The following HEXA variants were observed in gnomAD, a reference collection of about 807,000 sequenced individuals.
HEXA encodes the protein hexosaminidase subunit alpha, also known as beta-hexosaminidase subunit alpha.
In HEXA, 54 loss-of-function variants were observed where a neutral mutation model predicts 73.3. The ratio of observed to expected loss-of-function variants is 0.74; its 90% confidence interval spans 0.59 to 0.92. The LOEUF is 0.92. Among genes scored for constraint, HEXA ranks in the 40% least tolerant of loss-of-function variants. The pLI is 0.00. For missense variants in HEXA, 649 were observed against 653.0 expected (o/e 0.99, Z 0.07); for synonymous variants, 230 against 246.9 (o/e 0.93, Z 0.64).
chr15:72,373,146 A>G (rs906117054), intron 1 of HEXA, among the ~76,000 whole-genome samples: 6 of 152,160 alleles, frequency 3.9e-5, no homozygotes, highest in African/African-American at 1.4e-4. Flanking sequence ...AACAAAAACA[A>G]ACAAACAAAC....
intron 1 of HEXA, among the ~76,000 whole-genome samples, chr15:72,362,805 T>C (rs1277934528): frequency 2.0e-5 from 3 of 152,090 alleles, no homozygotes; most frequent in African/African-American, 7.2e-5. Context: ...CAGTGCACAA[T>C]AGCCTTTCCC....
At chr15:72,352,660 T>C (rs1595801393) in intron 5 of HEXA, among the ~76,000 whole-genome samples, 2 of 108,420 alleles carry the variant, frequency 1.8e-5, no homozygotes, top group African/African-American at 5.3e-5. Flanking sequence ...TAGAATTACA[T>C]ACAATTTTTT....
intron 6 of HEXA, 92 bp downstream of exon 6, chr15:72,351,041 G>A (rs1349664039): frequency 2.3e-6 from 2 of 852,372 alleles, no homozygotes; most frequent in Non-Finnish European, 4.0e-6. Context: ...AAACTGGCTG[G>A]TTAGGATGAG....
Position 72,345,429 on chromosome 15 carries a change from C to A in HEXA, c.1526+17G>T. The A allele has an allele frequency of 6.2e-7, 1 of 1,614,066 alleles. No individual in the cohort carries two copies. ...TCTGGCCTGCTCCGCCTTGCGAAGG[C>A]CCCACAGCTTGCTTACCTCAGCAAT... On this transcript the variant is annotated intron_variant, in intron 13 of 13. Coordinates refer to ENST00000268097, the MANE Select transcript of HEXA (RefSeq NM_000520.6).
chr15:72,346,145 A>G, intron 12 of HEXA, 90 bp downstream of exon 12: 1 of 872,018 alleles, frequency 1.1e-6, no homozygotes, highest in Non-Finnish European at 1.9e-6. Flanking sequence ...GAAGGGTACT[A>G]GTCCAGAGGT....
At chr15:72,354,906 A>G (rs1471393275) in intron 3 of HEXA, 1 of 154,548 alleles carries the variant, frequency 6.5e-6, no homozygotes, top group East Asian at 1.9e-4. Flanking sequence ...TCCAGAAATA[A>G]TGTAGTTCTA....
At chr15:72,367,302 GC>G (rs2088930557) in intron 1 of HEXA, among the ~76,000 whole-genome samples, 1 of 151,988 alleles carries the variant, frequency 6.6e-6, no homozygotes, top group Non-Finnish European at 1.5e-5. Context: ...TTTGTTAATG[GC>G]AGCACGAGTG....
intron 1 of HEXA, among the ~76,000 whole-genome samples, chr15:72,363,594 T>C (rs958319458): frequency 6.6e-6 from 1 of 152,238 alleles, no homozygotes; most frequent in Admixed American, 6.5e-5. Flanking sequence ...GCTGCTGAAT[T>C]TAGTCTAGAT....
At chr15:72,368,150 G>C (rs567186911) in intron 1 of HEXA, among the ~76,000 whole-genome samples, 4 of 152,270 alleles carry the variant, frequency 2.6e-5, no homozygotes, top group African/African-American at 9.6e-5. Context: ...ACTGGAATCT[G>C]GTAACAATGG....
rs963788425 is a variant in HEXA at position 72,353,938 on chromosome 15, T to A, written c.413-201A>T. ...CCATCTTTACTTCTGTATTTCATTT[T>A]GGGAGATGTCAGAGTAAGGGTTTTA... On this transcript the variant is annotated intron_variant, in intron 3 of 13. Transcript: ENST00000268097. The A allele has an allele frequency of 2.8e-5, 18 of 633,082 alleles. No homozygotes were observed. The African/African-American group carries it at 3.3e-4, about 12-fold the overall frequency. The allele number at this position is 633,082 out of a possible 1,614,324, so 39.2% of individuals were successfully genotyped here.
chr15:72,364,058 C>T (rs1372827090), intron 1 of HEXA, among the ~76,000 whole-genome samples: 6 of 152,032 alleles, frequency 3.9e-5, no homozygotes, highest in African/African-American at 9.7e-5. Context: ...TCGAGCCCAG[C>T]GAACGACTTC....
chr15:72,346,304 A>G lies in HEXA; in HGVS notation c.1352T>C (p.Leu451Pro). 1.2e-6 allele frequency: 2 copies of G among 1,613,964 alleles called. No homozygotes were observed. The highest frequency in any genetic ancestry group is 8.5e-7 in the Non-Finnish European group (1 of 1,179,898). The change falls in exon 12 of 14, where the codon CTG (leucine) becomes CCG (proline). Residue 451 changes from leucine to proline, a missense_variant. Transcript: ENST00000268097. ...AFEGTPEQKA[L>P]VIGGEACMWG... ...CATACAAGCCTCTCCACCAATCACC[A>G]GAGCCTTCTGCTCAGGGGTACCTGA...
chr15:72,368,901 A>G (rs890827019), intron 1 of HEXA, among the ~76,000 whole-genome samples: 1 of 152,246 alleles, frequency 6.6e-6, no homozygotes, highest in African/African-American at 2.4e-5. Context: ...CTTTTCATGC[A>G]TAACAGTGTA....
At chr15:72,374,848 C>T (rs2089038857) in intron 1 of HEXA, among the ~76,000 whole-genome samples, 1 of 152,116 alleles carries the variant, frequency 6.6e-6, no homozygotes, top group Non-Finnish European at 1.5e-5. Flanking sequence ...TTTCCCCACC[C>T]TCATCCCTCC....
Position 72,356,553 on chromosome 15 carries a change from C to G in HEXA, c.318G>C (p.Gln106His), listed in dbSNP as rs772070778. ...TCTCCACTGACTCCAAAGTAGGAAG[C>G]TGGTTACATCCAGGTGTGACTACAG... ...VVSVVTPGCN[Q>H]LPTLESVENY... Residue 106 changes from glutamine to histidine, a missense_variant, in exon 2 of 14, where the codon CAG becomes CAC. Coordinates refer to ENST00000268097, the MANE Select transcript of HEXA (RefSeq NM_000520.6). 6.2e-7 allele frequency: 1 copy of G among 1,614,106 alleles called. No homozygotes were observed. The highest frequency in any genetic ancestry group is 2.2e-5 in the East Asian group (1 of 44,884).
rs1003814544 is a variant in HEXA at position 72,346,399 on chromosome 15, T to G, written c.1331-74A>C. 12 of 1,480,910 alleles carry G rather than the reference T, an allele frequency of 8.1e-6. No individual in the cohort carries two copies. In the East Asian group the frequency reaches 2.3e-4, roughly 28 times the overall value. The allele number at this position is 1,480,910 out of a possible 1,614,324, so 91.7% of individuals were successfully genotyped here. On this transcript the variant is annotated intron_variant, in intron 11 of 13. Transcript: ENST00000268097. ...GGGTCCCTCTCAACCACCTTCCCAA[T>G]GTGGCCCTCACCCCAGCTAAGTTGT...
In HEXA at chr15:72,345,495, G is replaced by A. The variant is rs774313739; in HGVS notation, c.1477C>T (p.Leu493=). Residue 493 remains leucine, a synonymous_variant, in exon 13 of 14, where the codon CTG becomes TTG. Coordinates refer to ENST00000268097, the MANE Select transcript of HEXA (RefSeq NM_000520.6). Reference sequence around the variant, plus strand: ...GACAAACGTTCATAGGCAAATGTCAGGTCAGATGTCAACTTGTTGCTCCAC... The same window carrying A: ...GACAAACGTTCATAGGCAAATGTCAAGTCAGATGTCAACTTGTTGCTCCAC... ...RLWSNKLTSD[L]TFAYERLSHF... is the part of the protein sequence containing the mutation. 1.9e-6 allele frequency: 3 copies of A among 1,614,246 alleles called. No individual in the cohort carries two copies. Among genetic ancestry groups the A allele is most frequent in the East Asian group, 4.5e-5 (2 of 44,890 alleles).
intron 1 of HEXA, chr15:72,359,076 G>A (rs1179438742): frequency 2.0e-5 from 3 of 152,214 alleles, no homozygotes; most frequent in Admixed American, 2.0e-4. Flanking sequence ...AAGCCTCCAG[G>A]GCTTAGGAGG....
At chr15:72,353,575 G>T (rs1047283056) in intron 4 of HEXA, 116 bp downstream of exon 4, 2 of 786,660 alleles carry the variant, frequency 2.5e-6, no homozygotes, top group South Asian at 1.4e-5. Context: ...CATTTCTACT[G>T]GGGCTATCTC....
Sources: gnomAD v4.1 joint callset for allele counts (sites outside exome capture counted in the v4.1 genomes callset) on GRCh38, gnomAD v4.1.1 for gene constraint, MANE v1.5 for transcripts, NCBI Gene and HGNC (gene_info 2026-07-23, HGNC 2026-07-21) for gene names.